SKIC3: variants seen among roughly 807,000 people sequenced by gnomAD.
SKIC3 encodes SKI3 subunit of superkiller complex, also known as superkiller complex protein 3.
the SKIC3 span, chr5:95,541,682 A>T: frequency 1.4e-6 from 1 of 706,616 alleles, no homozygotes; most frequent in Non-Finnish European, 2.3e-6. Context: ...AAAAGATTCT[A>T]CGACAAATGT....
At chr5:95,493,366 A>T in the SKIC3 span, among the ~76,000 whole-genome samples, 1 of 152,174 alleles carries the variant, frequency 6.6e-6, no homozygotes, top group Non-Finnish European at 1.5e-5. Flanking sequence ...GAGAGGACCT[A>T]ATCTGGGCAA....
At chr5:95,493,065 AT>A in the SKIC3 span, among the ~76,000 whole-genome samples, 1 of 152,150 alleles carries the variant, frequency 6.6e-6, no homozygotes, top group Admixed American at 6.6e-5. Context: ...CAGAAATTGG[AT>A]TTTTTTCCAT....
the SKIC3 span, chr5:95,517,083 G>A: frequency 4.3e-6 from 7 of 1,613,420 alleles, no homozygotes; most frequent in Non-Finnish European, 5.9e-6. Flanking sequence ...AAAAGTGAAT[G>A]TTTTTTGTTA....
chr5:95,473,226 AGCATTTAAGCATTCCCTTTTCTCT>A, the SKIC3 span, among the ~76,000 whole-genome samples: 1 of 152,192 alleles, frequency 6.6e-6, no homozygotes, highest in Non-Finnish European at 1.5e-5. Context: ...ACAGTATATA[AGCATTTAAGCATTCCCTTTTCTCT>A]GCAGCTTCAC....
the SKIC3 span, chr5:95,502,871 T>C: frequency 5.2e-4 from 846 of 1,612,844 alleles, 2 homozygotes; most frequent in Non-Finnish European, 6.7e-4. Context: ...TGATGTCAAC[T>C]ATACATACCA....
At chr5:95,473,388 T>A in the SKIC3 span, among the ~76,000 whole-genome samples, 8 of 152,210 alleles carry the variant, frequency 5.3e-5, no homozygotes, top group Admixed American at 2.0e-4. Flanking sequence ...CTCAGGTGAT[T>A]CTCCCACTTC....
At chr5:95,508,361 T>C in the SKIC3 span, among the ~76,000 whole-genome samples, 3 of 152,242 alleles carry the variant, frequency 2.0e-5, no homozygotes, top group Non-Finnish European at 2.9e-5. Flanking sequence ...TTATCACCTA[T>C]CCATTAATTT....
At chr5:95,524,217 G>A in the SKIC3 span, among the ~76,000 whole-genome samples, 1 of 152,028 alleles carries the variant, frequency 6.6e-6, no homozygotes, top group Non-Finnish European at 1.5e-5. Context: ...TACCTTAAAA[G>A]TATTGTTTAC....
At chr5:95,507,404 T>C in the SKIC3 span, among the ~76,000 whole-genome samples, 1 of 152,216 alleles carries the variant, frequency 6.6e-6, no homozygotes, top group Non-Finnish European at 1.5e-5. Context: ...AATGCTTTCA[T>C]GTGCCCTTGC....
chr5:95,466,789 T>A, the SKIC3 span, among the ~76,000 whole-genome samples: 1 of 152,176 alleles, frequency 6.6e-6, no homozygotes, highest in Non-Finnish European at 1.5e-5. Flanking sequence ...AAGGAATGAA[T>A]AAGTATAGTT....
At chr5:95,485,918 C>T in the SKIC3 span, among the ~76,000 whole-genome samples, 6 of 152,054 alleles carry the variant, frequency 3.9e-5, no homozygotes, top group East Asian at 9.6e-4. Context: ...GTCGTCTGCT[C>T]GGCTGGGATC....
the SKIC3 span, chr5:95,530,005 CCTTAAAGAAAGG>C: frequency 6.5e-7 from 1 of 1,546,438 alleles, no homozygotes; most frequent in East Asian, 2.3e-5. Flanking sequence ...GATAGACATT[CCTTAAAGAAAGG>C]CTCAAAGATA....
the SKIC3 span, among the ~76,000 whole-genome samples, chr5:95,466,507 A>G: frequency 6.6e-6 from 1 of 152,340 alleles, no homozygotes; most frequent in Non-Finnish European, 1.5e-5. Flanking sequence ...GCATTCCACA[A>G]TCTCAGTAGG....
At chr5:95,491,110 T>G in the SKIC3 span, 1 of 1,577,694 alleles carries the variant, frequency 6.3e-7, no homozygotes, top group African/African-American at 1.4e-5. Context: ...AAAAATGAGA[T>G]TAAGAGTTTA....
chr5:95,546,352 C>CAAAAAAAAAAAAAAAAAAAAAA, the SKIC3 span, among the ~76,000 whole-genome samples: 1 of 136,520 alleles, frequency 7.3e-6, no homozygotes, highest in Non-Finnish European at 1.6e-5. Context: ...AAAAAAAAAA[C>CAAAAAAAAAAAAAAAAAAAAAA]AAAAAAAAAA....
At chr5:95,547,201 G>A in the SKIC3 span, 14 of 1,542,208 alleles carry the variant, frequency 9.1e-6, no homozygotes, top group East Asian at 1.1e-4. Flanking sequence ...CTACCCAATC[G>A]TAAATGTTCC....
At chr5:95,535,030 T>G in the SKIC3 span, among the ~76,000 whole-genome samples, 40 of 152,330 alleles carry the variant, frequency 2.6e-4, no homozygotes, top group East Asian at 4.4e-3. Context: ...GAAATCACTT[T>G]CATTTTTTCA....
the SKIC3 span, chr5:95,514,817 C>G: frequency 6.3e-7 from 1 of 1,598,100 alleles, no homozygotes; most frequent in South Asian, 1.1e-5. Context: ...TTATTGATAT[C>G]AACAAGCTTA....
At chr5:95,506,829 C>T in the SKIC3 span, 2 of 1,140,234 alleles carry the variant, frequency 1.8e-6, no homozygotes, top group East Asian at 2.4e-5. Flanking sequence ...ATGTATCCTA[C>T]ATGTACCAGT....
Sources: gnomAD v4.1 joint callset for allele counts (sites outside exome capture counted in the v4.1 genomes callset) on GRCh38, gnomAD v4.1.1 for gene constraint, MANE v1.5 for transcripts, NCBI Gene and HGNC (gene_info 2026-07-23, HGNC 2026-07-21) for gene names.